PRKN: variants seen among roughly 807,000 people sequenced by gnomAD.
PRKN encodes E3 ubiquitin-protein ligase parkin.
A neutral mutation model predicts 59.5 loss-of-function variants in PRKN; 56 were observed. That is an observed-to-expected ratio of 0.94 (90% CI 0.76 to 1.18). PRKN has a LOEUF of 1.18. PRKN is among the 50% of genes most tolerant of loss of function. The pLI is 0.00. For missense variants in PRKN, 657 were observed against 596.4 expected, an observed-to-expected ratio of 1.10 and a Z score of -1.06; for synonymous variants, 250 against 222.1, an observed-to-expected ratio of 1.13 and a Z score of -1.12.
chr6:161,571,510 G>A (rs763349956), intron 7 of PRKN, among the ~76,000 whole-genome samples: 5 of 152,190 alleles, frequency 3.3e-5, no homozygotes, highest in African/African-American at 4.8e-5. Flanking sequence ...TGCTCATTGC[G>A]ATACAGATTA....
At chr6:161,971,716 CT>C (rs36090322) in intron 6 of PRKN, among the ~76,000 whole-genome samples, 26,155 of 152,142 alleles carry the variant, frequency 0.17, 2,318 homozygotes, top group Middle Eastern at 0.24. Flanking sequence ...TCAACAGATG[CT>C]GTTAAGGTTT....
chr6:162,650,372 C>A (rs9458634), intron 1 of PRKN, among the ~76,000 whole-genome samples: 1 of 151,474 alleles, frequency 6.6e-6, no homozygotes, highest in Non-Finnish European at 1.5e-5. Flanking sequence ...CCGAGGCGGG[C>A]GGATCACGAG....
At chr6:162,038,162 T>C (rs1783919204) in intron 5 of PRKN, among the ~76,000 whole-genome samples, 1 of 152,010 alleles carries the variant, frequency 6.6e-6, no homozygotes, top group Admixed American at 6.6e-5. Flanking sequence ...TTATATAAAA[T>C]GCAAATTAAG....
Position 161,428,476 on chromosome 6 carries a change from C to T in PRKN, c.1084-41599G>A, listed in dbSNP as rs561913451. 3.9e-5 allele frequency among the ~76,000 whole-genome samples: 6 copies of T among 152,254 alleles called. No individual in the cohort carries two copies. In the South Asian group the frequency reaches 1.2e-3, roughly 32 times the overall value. ...GACAGGCGGCTGCTCCGTCCATCTT[C>T]GAACCTGGCTGGCATCGCAGATGCC... On this transcript the variant is annotated intron_variant, in intron 9 of 11. Coordinates refer to ENST00000366898, the MANE Select transcript of PRKN (RefSeq NM_004562.3). The surrounding 1 kb of genome is among the most constrained non-coding windows in gnomAD (Gnocchi z 4.0).
chr6:162,354,380 T>A (rs1784756141), intron 2 of PRKN, among the ~76,000 whole-genome samples: 1 of 152,092 alleles, frequency 6.6e-6, no homozygotes, highest in African/African-American at 2.4e-5. Context: ...AGTCTCTTGA[T>A]TACCAATATT....
At chr6:161,733,192 A>T (rs1400361284) in intron 7 of PRKN, among the ~76,000 whole-genome samples, 1 of 152,202 alleles carries the variant, frequency 6.6e-6, no homozygotes, top group Admixed American at 6.5e-5. Context: ...AATTTTATCT[A>T]ATTTAGGACA....
At chr6:161,961,053 TG>T (rs1251443849) in intron 6 of PRKN, among the ~76,000 whole-genome samples, 1 of 152,180 alleles carries the variant, frequency 6.6e-6, no homozygotes, top group African/African-American at 2.4e-5. Context: ...ATCTAACAAA[TG>T]GTAAGAACAA....
intron 7 of PRKN, among the ~76,000 whole-genome samples, chr6:161,671,190 T>C (rs540292265): frequency 6.6e-6 from 1 of 152,066 alleles, no homozygotes; most frequent in Non-Finnish European, 1.5e-5. Context: ...CTCAGAAACA[T>C]AATAAACCAA....
intron 9 of PRKN, among the ~76,000 whole-genome samples, chr6:161,477,300 C>G (rs1441102686): frequency 6.6e-6 from 1 of 152,094 alleles, no homozygotes; most frequent in African/African-American, 2.4e-5. Context: ...GGCGGATCAC[C>G]TGAGGTCGGG....
chr6:162,116,034 A>T (rs2128304024), intron 4 of PRKN, among the ~76,000 whole-genome samples: 1 of 152,350 alleles, frequency 6.6e-6, no homozygotes, highest in Middle Eastern at 3.4e-3. Flanking sequence ...AAAGATATAG[A>T]TAGGAATTCA....
intron 1 of PRKN, among the ~76,000 whole-genome samples, chr6:162,614,745 CTAAT>C (rs1231205839): frequency 1.1e-4 from 17 of 152,034 alleles, no homozygotes; most frequent in Non-Finnish European, 2.4e-4. Flanking sequence ...TTTGTGAACT[CTAAT>C]TGATGAAAAC....
intron 7 of PRKN, among the ~76,000 whole-genome samples, chr6:161,676,673 G>T (rs889951349): frequency 1.3e-5 from 2 of 152,052 alleles, no homozygotes; most frequent in Admixed American, 1.3e-4. Flanking sequence ...ATATTATCTG[G>T]CTCTCTGCAG....
chr6:161,661,739 T>C (rs1784554654), intron 7 of PRKN, among the ~76,000 whole-genome samples: 1 of 152,176 alleles, frequency 6.6e-6, no homozygotes, highest in Non-Finnish European at 1.5e-5. Context: ...GTGGTACAAG[T>C]ACGCTGGGCA....
chr6:162,000,194 A>C (rs1049342258), intron 5 of PRKN, among the ~76,000 whole-genome samples: 9 of 152,040 alleles, frequency 5.9e-5, no homozygotes, highest in Admixed American at 2.6e-4. Flanking sequence ...TGGTAAGACT[A>C]TGTTTAGTTT....
At chr6:162,061,807 G>A (rs1434485111) in intron 4 of PRKN, among the ~76,000 whole-genome samples, 1 of 152,140 alleles carries the variant, frequency 6.6e-6, no homozygotes, top group Non-Finnish European at 1.5e-5. Flanking sequence ...ATAAAAAAGG[G>A]AGAATAATCG....
At chr6:161,718,517 AT>A (rs1354964975) in intron 7 of PRKN, among the ~76,000 whole-genome samples, 3 of 152,188 alleles carry the variant, frequency 2.0e-5, no homozygotes, top group Non-Finnish European at 2.9e-5. Context: ...AATGAAAAAA[AT>A]AAATGAGTCC....
intron 1 of PRKN, among the ~76,000 whole-genome samples, chr6:162,700,959 C>T (rs887834914): frequency 6.6e-6 from 1 of 152,032 alleles, no homozygotes; most frequent in Non-Finnish European, 1.5e-5. Flanking sequence ...AATTTACATA[C>T]ATGTCTTGCC....
intron 2 of PRKN, among the ~76,000 whole-genome samples, chr6:162,442,086 C>A (rs1195957986): frequency 6.6e-6 from 1 of 152,164 alleles, no homozygotes; most frequent in Non-Finnish European, 1.5e-5. Context: ...CAGAGGCCAG[C>A]AGTTTGTGCA....
chr6:162,565,301 A>G (rs1562390521), intron 1 of PRKN, among the ~76,000 whole-genome samples: 2 of 152,306 alleles, frequency 1.3e-5, no homozygotes, highest in East Asian at 3.9e-4. Context: ...CTGCTAGAGG[A>G]AGATAGGAAG....
Sources: gnomAD v4.1 joint callset for allele counts (sites outside exome capture counted in the v4.1 genomes callset) on GRCh38, gnomAD v4.1.1 for gene constraint, Gnocchi (gnomAD v3.1) non-coding constraint, MANE v1.5 for transcripts, NCBI Gene and HGNC (gene_info 2026-07-23, HGNC 2026-07-21) for gene names.